HYDIN: variants seen among roughly 807,000 people sequenced by gnomAD.
The protein encoded by HYDIN is axonemal central pair apparatus protein HYDIN.
Under a neutral mutation model 403.9 loss-of-function variants are expected in HYDIN, and 132 were observed. The observed-to-expected ratio is 0.33, with a 90% CI of 0.28 to 0.38. The LOEUF (loss-of-function observed/expected upper bound fraction) is 0.38. HYDIN is among the 10% of genes least tolerant of loss of function. HYDIN has a pLI of 1.00. For missense variants in HYDIN, 2,827 were observed against 5,009.5 expected (o/e 0.56, Z 13.15); for synonymous variants, 1,202 against 1,891.7 (o/e 0.64, Z 9.46).
chr16:71,181,538 T>C (rs984280819), intron 3 of HYDIN, among the ~76,000 whole-genome samples: 3 of 152,106 alleles, frequency 2.0e-5, no homozygotes, highest in African/African-American at 7.2e-5. Flanking sequence ...CTTGATTATA[T>C]AAGTGGAATA....
chr16:70,992,511 C>T (rs569491281), intron 23 of HYDIN, among the ~76,000 whole-genome samples: 3 of 143,910 alleles, frequency 2.1e-5, no homozygotes, highest in Non-Finnish European at 3.0e-5. Context: ...GATGTGGACT[C>T]GCTGAGGACT....
In HYDIN at chr16:70,806,529, T is replaced by C. The variant is rs2035114681; in HGVS notation, c.*1051A>G. On this transcript the variant is annotated 3_prime_UTR_variant, in exon 86 of 86. Transcript: ENST00000393567. The stretch of plus-strand genomic sequence containing the variant: ...GTCGATCTGACATGGGGACTGAGAG[T>C]TTGACTTTTAATAAATTCCCAGGTG... Among the ~76,000 whole-genome samples, 1 of 152,062 alleles carries C rather than the reference T, an allele frequency of 6.6e-6. No homozygotes were observed. The highest frequency in any genetic ancestry group is 2.4e-5 in the African/African-American group (1 of 41,392).
At chr16:71,061,343 T>C (rs370184283) in intron 17 of HYDIN, among the ~76,000 whole-genome samples, 25 of 151,296 alleles carry the variant, frequency 1.7e-4, no homozygotes, top group African/African-American at 5.9e-4. Flanking sequence ...GCATCTTATA[T>C]GGAAGAGATA....
At chr16:71,219,497 C>G (rs774805318) in intron 1 of HYDIN, among the ~76,000 whole-genome samples, 2 of 151,896 alleles carry the variant, frequency 1.3e-5, no homozygotes, top group Non-Finnish European at 2.9e-5. Context: ...TGAATATCAC[C>G]CCTTTAAGAA....
intron 28 of HYDIN, 38 bp downstream of exon 28, chr16:70,985,147 G>C: frequency 6.2e-7 from 1 of 1,604,174 alleles, no homozygotes; most frequent in East Asian, 2.2e-5. Flanking sequence ...AGTGGGGCTC[G>C]TAGGTTTGAA....
At chr16:70,849,030 A>G (rs2038422574) in intron 75 of HYDIN, among the ~76,000 whole-genome samples, 1 of 151,990 alleles carries the variant, frequency 6.6e-6, no homozygotes, top group Non-Finnish European at 1.5e-5. Flanking sequence ...TATCCCTATG[A>G]GGGGGGGTTC....
chr16:71,016,831 C>T (rs938048920), intron 23 of HYDIN, among the ~76,000 whole-genome samples: 5 of 152,026 alleles, frequency 3.3e-5, no homozygotes, highest in African/African-American at 1.2e-4. Flanking sequence ...CATGGATGAA[C>T]CTTGAGGACA....
rs1039654657 is a variant in HYDIN at position 70,946,976 on chromosome 16, C to T, written c.6532-3027G>A. ...GGGTTTTCTAGATATACAATCATGTCGTCTACAAACAGGGACAATTTGACT... is the reference window on the plus strand; with the variant it reads ...GGGTTTTCTAGATATACAATCATGTTGTCTACAAACAGGGACAATTTGACT... On this transcript the variant is annotated intron_variant, in intron 41 of 85. Coordinates refer to ENST00000393567, the MANE Select transcript of HYDIN (RefSeq NM_001270974.2). Among the ~76,000 whole-genome samples the T allele has an allele frequency of 9.2e-5, 14 of 152,176 alleles. 1 individual carries two copies. In the South Asian group the frequency reaches 1.5e-3, roughly 16 times the overall value.
chr16:71,191,609 C>A (rs1419274975), intron 1 of HYDIN, among the ~76,000 whole-genome samples: 1 of 152,086 alleles, frequency 6.6e-6, no homozygotes, highest in Non-Finnish European at 1.5e-5. Context: ...AGACTCACAA[C>A]CTTGCAAATT....
Position 70,978,910 on chromosome 16 carries a change from T to G in HYDIN, c.4638+4A>C, listed in dbSNP as rs749254852. 1 of 1,613,030 alleles carries G rather than the reference T, an allele frequency of 6.2e-7. No homozygotes were observed. Among genetic ancestry groups the G allele is most frequent in the South Asian group, 1.1e-5 (1 of 91,056 alleles). ...GCGTCCCGTGCAGGCTGGAGCTGTC[T>G]TACCTCAGCAGGCTCGTCTTCTGGC... On this transcript the variant is annotated splice_donor_region_variant and intron_variant, in intron 30 of 85. Coordinates refer to ENST00000393567, the MANE Select transcript of HYDIN (RefSeq NM_001270974.2).
chr16:71,032,965 T>A (rs1597599163), intron 18 of HYDIN, among the ~76,000 whole-genome samples: 1 of 123,826 alleles, frequency 8.1e-6, no homozygotes, highest in Non-Finnish European at 1.7e-5. Flanking sequence ...ACTATGACAT[T>A]CAACTTACTA....
rs182127785 is a variant in HYDIN, at chr16:71,192,130, G to A, written c.-23-5212C>T. ...CACACAGTAGCAAAGCATAGAGCCCGGAATAGAACCAGTCATTATGGTCCC... is the reference window on the plus strand; with the variant it reads ...CACACAGTAGCAAAGCATAGAGCCCAGAATAGAACCAGTCATTATGGTCCC... On this transcript the variant is annotated intron_variant, in intron 1 of 85. Coordinates refer to ENST00000393567, the MANE Select transcript of HYDIN (RefSeq NM_001270974.2). Among the ~76,000 whole-genome samples, 369 of 152,206 alleles carry A rather than the reference G, an allele frequency of 2.4e-3. 4 individuals are homozygous for A. The highest frequency in any genetic ancestry group is 2.0e-3 in the Admixed American group (31 of 15,284).
At chr16:71,220,510 C>G (rs2089142975) in intron 1 of HYDIN, among the ~76,000 whole-genome samples, 1 of 152,172 alleles carries the variant, frequency 6.6e-6, no homozygotes, top group Non-Finnish European at 1.5e-5. Flanking sequence ...ATACACACTT[C>G]ACATAAAAAG....
chr16:70,821,592 T>C (rs1334909274), intron 83 of HYDIN, among the ~76,000 whole-genome samples: 1 of 151,546 alleles, frequency 6.6e-6, no homozygotes, highest in Non-Finnish European at 1.5e-5. Context: ...AATATGTATT[T>C]TTCCCCCCTG....
intron 41 of HYDIN, among the ~76,000 whole-genome samples, chr16:70,944,263 A>G (rs2077778790): frequency 6.6e-6 from 1 of 152,264 alleles, no homozygotes; most frequent in Non-Finnish European, 1.5e-5. Flanking sequence ...ACAACAAACA[A>G]TGGCGCTGCC....
chr16:71,156,191 T>C (rs1305985372), intron 6 of HYDIN, among the ~76,000 whole-genome samples: 2 of 152,142 alleles, frequency 1.3e-5, no homozygotes, highest in Admixed American at 6.6e-5. Context: ...ATCCCATCTG[T>C]ACGACCTCCA....
chr16:71,096,482 T>C (rs1250701559), intron 10 of HYDIN, among the ~76,000 whole-genome samples: 2 of 152,312 alleles, frequency 1.3e-5, no homozygotes, highest in South Asian at 2.1e-4. Context: ...GTCTTTTGTG[T>C]GTGTGTGTGT....
chr16:70,905,325 A>G (rs920227874), intron 50 of HYDIN, among the ~76,000 whole-genome samples: 2 of 151,946 alleles, frequency 1.3e-5, no homozygotes, highest in Non-Finnish European at 2.9e-5. Context: ...AGATGAGGAC[A>G]CTGAGGCTCA....
At chr16:70,847,619 A>T (rs1480306661) in intron 75 of HYDIN, among the ~76,000 whole-genome samples, 1 of 149,330 alleles carries the variant, frequency 6.7e-6, no homozygotes, top group Admixed American at 6.7e-5. Flanking sequence ...CTTGTTGATA[A>T]TTTTTTTTTT....
Sources: gnomAD v4.1 joint callset for allele counts (sites outside exome capture counted in the v4.1 genomes callset) on GRCh38, gnomAD v4.1.1 for gene constraint, MANE v1.5 for transcripts, NCBI Gene and HGNC (gene_info 2026-07-23, HGNC 2026-07-21) for gene names.